The following AGBL4 variants were observed in gnomAD, a reference collection of about 807,000 sequenced individuals.
AGBL4 encodes the protein cytosolic carboxypeptidase 6.
A neutral mutation model predicts 66.4 loss-of-function variants in AGBL4; 58 were observed. That is an observed-to-expected ratio of 0.87 (90% CI 0.71 to 1.09). The LOEUF (loss-of-function observed/expected upper bound fraction) is 1.09, where lower values mean the gene tolerates loss of function less well. Among genes scored for constraint, AGBL4 ranks in the 50% least tolerant of loss-of-function variants. AGBL4 has a pLI of 0.00. For missense variants in AGBL4, 579 were observed against 631.0 expected (o/e 0.92, Z 0.88); for synonymous variants, 234 against 222.9 (o/e 1.05, Z -0.44).
intron 3 of AGBL4, among the ~76,000 whole-genome samples, chr1:49,484,575 G>C (rs1647024561): frequency 6.6e-6 from 1 of 151,968 alleles, no homozygotes; most frequent in Non-Finnish European, 1.5e-5. Flanking sequence ...TGGAGACAGA[G>C]AGTAGAAGGA....
intron 8 of AGBL4, among the ~76,000 whole-genome samples, chr1:48,638,645 G>A (rs1401427562): frequency 6.6e-6 from 1 of 152,182 alleles, no homozygotes; most frequent in Non-Finnish European, 1.5e-5. Context: ...TGCTCCCATA[G>A]CATCTGTTGC....
At chr1:49,157,994 G>A (rs1363989680) in intron 4 of AGBL4, among the ~76,000 whole-genome samples, 1 of 151,954 alleles carries the variant, frequency 6.6e-6, no homozygotes. Flanking sequence ...TTTGTCAGAT[G>A]GATAGATTGC....
intron 1 of AGBL4, among the ~76,000 whole-genome samples, chr1:50,007,110 T>C (rs1467817964): frequency 6.6e-6 from 1 of 152,228 alleles, no homozygotes; most frequent in Non-Finnish European, 1.5e-5. Context: ...TTAGTTTTTC[T>C]CTTTGCTTGT....
At position 48,996,829 on chromosome 1, in the gene AGBL4, T is replaced by C. The variant is rs1040322842; in HGVS notation, c.594+48755A>G. Among the ~76,000 whole-genome samples, 9 of 151,310 alleles carry C rather than the reference T, an allele frequency of 5.9e-5. 1 individual carries two copies. Among genetic ancestry groups the C allele is most frequent in the Non-Finnish European group, 1.5e-5 (1 of 67,884 alleles). On this transcript the variant is annotated intron_variant, in intron 5 of 13. Transcript: ENST00000371839. Reference sequence around the variant, plus strand: ...TTCCTTCCTTCCTCCCTTCCTTCCTTCCTTCCTTCCTTCCTTCCTTCCTTC... The same window carrying C: ...TTCCTTCCTTCCTCCCTTCCTTCCTCCCTTCCTTCCTTCCTTCCTTCCTTC...
chr1:49,443,117 G>A (rs1055277450), intron 3 of AGBL4, among the ~76,000 whole-genome samples: 1 of 152,026 alleles, frequency 6.6e-6, no homozygotes, highest in East Asian at 1.9e-4. Flanking sequence ...ACTTTTTAAT[G>A]AGATTATTTA....
intron 5 of AGBL4, among the ~76,000 whole-genome samples, chr1:48,900,295 T>C (rs775654546): frequency 4.6e-5 from 7 of 152,320 alleles, no homozygotes; most frequent in South Asian, 2.1e-4. Flanking sequence ...AGAGAAGCCA[T>C]TAAAGAATTT....
chr1:49,456,757 T>C (rs1364013580), intron 3 of AGBL4, among the ~76,000 whole-genome samples: 2 of 151,570 alleles, frequency 1.3e-5, no homozygotes, highest in African/African-American at 2.4e-5. Flanking sequence ...CCGAAGTCCA[T>C]TGTATCATTT....
intron 3 of AGBL4, among the ~76,000 whole-genome samples, chr1:49,667,333 C>T (rs2124512405): frequency 6.6e-6 from 1 of 152,068 alleles, no homozygotes; most frequent in South Asian, 2.1e-4. Context: ...TGGCACGTGC[C>T]TATAGTTACT....
intron 3 of AGBL4, among the ~76,000 whole-genome samples, chr1:49,604,940 AATT>A (rs1225285646): frequency 6.6e-6 from 1 of 152,092 alleles, no homozygotes; most frequent in Non-Finnish European, 1.5e-5. Flanking sequence ...CTACCTTTGT[AATT>A]ATTATTATTA....
chr1:48,988,860 G>T (rs1044426212), intron 5 of AGBL4, among the ~76,000 whole-genome samples: 15 of 152,190 alleles, frequency 9.9e-5, no homozygotes, highest in South Asian at 2.1e-4. Context: ...GGTCAGCAAA[G>T]AAATGAGTGT....
chr1:49,491,931 TTTAAA>T (rs1282018461), intron 3 of AGBL4, among the ~76,000 whole-genome samples: 2 of 151,894 alleles, frequency 1.3e-5, no homozygotes, highest in Non-Finnish European at 2.9e-5. Context: ...TTTCATAAAG[TTTAAA>T]TTATAAATTA....
rs553432745 is a variant in AGBL4, at chr1:49,607,375, C to T, written c.282+89938G>A. 2.6e-4 allele frequency among the ~76,000 whole-genome samples: 40 copies of T among 152,250 alleles called. No individual in the cohort carries two copies. The South Asian group carries it at 3.7e-3, about 14-fold the overall frequency. ...TTACATTTTTATTTTCTATTTTCTG[C>T]TGCTTTCTTAAATGATTCATTTGAT... is the stretch of plus-strand genomic sequence containing the variant. On this transcript the variant is annotated intron_variant, in intron 3 of 13. Transcript: ENST00000371839.
At chr1:48,874,337 G>C (rs2148833065) in intron 5 of AGBL4, among the ~76,000 whole-genome samples, 1 of 152,104 alleles carries the variant, frequency 6.6e-6, no homozygotes, top group South Asian at 2.1e-4. Context: ...CCCAAGTGTA[G>C]CCTGCTTCCT....
chr1:49,792,411 T>C (rs899833889), intron 2 of AGBL4, among the ~76,000 whole-genome samples: 2 of 152,026 alleles, frequency 1.3e-5, no homozygotes, highest in Admixed American at 1.3e-4. Context: ...AATTATAGAT[T>C]ATATTATAAA....
In AGBL4 at chr1:49,983,271, G is replaced by A. The variant is rs12030044; in HGVS notation, c.34+40492C>T. On this transcript the variant is annotated intron_variant, in intron 1 of 13. Transcript: ENST00000371839. ...ACTGTGACACCCTCTTTGGGGCTCT[G>A]CAGTTCCTGACGTCTCCAAGCTTCT... Among the ~76,000 whole-genome samples, 1,237 of 152,350 alleles carry A rather than the reference G, an allele frequency of 8.1e-3. 8 individuals are homozygous for A. Among genetic ancestry groups the A allele is most frequent in the Middle Eastern group, 0.031 (9 of 294 alleles).
At chr1:48,556,692 T>G (rs1407343631) in intron 11 of AGBL4, among the ~76,000 whole-genome samples, 1 of 152,212 alleles carries the variant, frequency 6.6e-6, no homozygotes, top group Non-Finnish European at 1.5e-5. Flanking sequence ...CATCCTATAC[T>G]CTCCCAGAGC....
chr1:48,861,388 G>C (rs1249352305), intron 6 of AGBL4, among the ~76,000 whole-genome samples: 1 of 152,034 alleles, frequency 6.6e-6, no homozygotes, highest in Non-Finnish European at 1.5e-5. Flanking sequence ...GAAAGACATA[G>C]AATCTTAAGT....
chr1:49,123,145 G>A (rs752335754), intron 4 of AGBL4, among the ~76,000 whole-genome samples: 14 of 152,036 alleles, frequency 9.2e-5, no homozygotes, highest in East Asian at 7.7e-4. Context: ...GAGCCACTGC[G>A]CCCAGCCCTG....
chr1:49,675,663 A>C (rs751303745), intron 3 of AGBL4, among the ~76,000 whole-genome samples: 2 of 152,082 alleles, frequency 1.3e-5, no homozygotes, highest in African/African-American at 2.4e-5. Context: ...AAGCCATCTT[A>C]GTTGCCTTGT....
Sources: gnomAD v4.1 joint callset for allele counts (sites outside exome capture counted in the v4.1 genomes callset) on GRCh38, gnomAD v4.1.1 for gene constraint, MANE v1.5 for transcripts, NCBI Gene and HGNC (gene_info 2026-07-23, HGNC 2026-07-21) for gene names.